RBPJ: variants seen among roughly 807,000 people sequenced by gnomAD.
The protein encoded by RBPJ is recombining binding protein suppressor of hairless.
Under a neutral mutation model 67.8 loss-of-function variants are expected in RBPJ, and 9 were observed. The ratio of observed to expected loss-of-function variants is 0.13; its 90% CI spans 0.08 to 0.23. The LOEUF is 0.23. RBPJ is among the 10% of genes least tolerant of loss of function. The pLI, the probability that RBPJ is intolerant of heterozygous loss-of-function variation, is 1.00. For missense variants in RBPJ, 305 were observed against 595.6 expected (o/e 0.51, Z 5.08); for synonymous variants, 198 against 203.3 (o/e 0.97, Z 0.22).
In RBPJ at chr4:26,180,300, G is replaced by A. The variant is rs188137442; in HGVS notation, c.-167+16686G>A. Among the ~76,000 whole-genome samples, 181 of 147,156 alleles carry A rather than the reference G, an allele frequency of 1.2e-3. 4 individuals are homozygous for A. Among genetic ancestry groups the A allele is most frequent in the Admixed American group, 0.01 (151 of 14,610 alleles). Reference sequence around the variant, plus strand: ...CATGAGTTTACCTATAAAACAAACCGACACATGTACCCTTGAACCTAAAAT... The same window carrying A: ...CATGAGTTTACCTATAAAACAAACCAACACATGTACCCTTGAACCTAAAAT... On this transcript the variant is annotated intron_variant, in intron 1 of 4. Transcript: ENST00000512351.
intron 1 of RBPJ, among the ~76,000 whole-genome samples, chr4:26,206,218 T>C (rs1300563761): frequency 2.0e-5 from 3 of 152,254 alleles, no homozygotes; most frequent in Non-Finnish European, 4.4e-5. Context: ...TTATTTTCTT[T>C]CAAAGCAATG....
chr4:26,337,750 A>G lies in RBPJ; in HGVS notation c.20+16702A>G, dbSNP rs951646168. On this transcript the variant is annotated intron_variant, in intron 1 of 10. Coordinates refer to ENST00000355476, the MANE Select transcript of RBPJ (RefSeq NM_015874.6). ...CACCCAGGCTGGAGTGCAGTGCTAC[A>G]GTCATAGCTCACTGCAGCCTCAACT... Among the ~76,000 whole-genome samples the G allele has an allele frequency of 1.1e-4, 16 of 142,950 alleles. 1 individual carries two copies. The highest frequency in any genetic ancestry group is 4.2e-4 in the African/African-American group (16 of 38,134). 93.8% of individuals were successfully genotyped at this position (142,950 alleles called of 152,430 possible).
chr4:26,191,355 G>A (rs1231133264), intron 1 of RBPJ, among the ~76,000 whole-genome samples: 5 of 150,882 alleles, frequency 3.3e-5, no homozygotes, highest in Admixed American at 2.7e-4. Flanking sequence ...CAAATCAAGA[G>A]AGAGAACAAC....
At chr4:26,148,721 A>G in the RBPJ span, among the ~76,000 whole-genome samples, 1 of 152,244 alleles carries the variant, frequency 6.6e-6, no homozygotes, top group South Asian at 2.1e-4. Context: ...GATTCTGTCA[A>G]AGACCCTGTT....
intron 1 of RBPJ, among the ~76,000 whole-genome samples, chr4:26,223,545 T>C (rs1172403510): frequency 6.6e-6 from 1 of 152,182 alleles, no homozygotes. Flanking sequence ...GATGTCCTAA[T>C]ACAGCAAGCC....
At chr4:26,198,553 C>T (rs1034607787) in intron 1 of RBPJ, among the ~76,000 whole-genome samples, 7 of 152,140 alleles carry the variant, frequency 4.6e-5, no homozygotes, top group African/African-American at 1.7e-4. Flanking sequence ...TTATCTTGTG[C>T]CAGACCCTGT....
chr4:26,186,544 G>A (rs1717268678), intron 1 of RBPJ, among the ~76,000 whole-genome samples: 1 of 152,106 alleles, frequency 6.6e-6, no homozygotes, highest in Non-Finnish European at 1.5e-5. Flanking sequence ...TGCAGTGCCT[G>A]AGCGAGACCC....
rs185688122 is a variant in RBPJ at position 26,207,723 on chromosome 4, C to T, written c.-167+44109C>T. Among the ~76,000 whole-genome samples, 13 of 152,172 alleles carry T rather than the reference C, an allele frequency of 8.5e-5. No homozygotes were observed. In the East Asian group the frequency reaches 2.1e-3, roughly 25 times the overall value. On this transcript the variant is annotated intron_variant, in intron 1 of 4. Transcript: ENST00000512351. ...GGGAGAGGGGGTAAATTACAAACAA[C>T]GATTGCATTTTTAGAGGAGATGCTT... is the stretch of plus-strand genomic sequence containing the variant.
At chr4:26,233,277 T>G (rs980757455) in intron 1 of RBPJ, among the ~76,000 whole-genome samples, 7 of 152,242 alleles carry the variant, frequency 4.6e-5, no homozygotes, top group Admixed American at 1.3e-4. Flanking sequence ...CTCCACATTA[T>G]TCTAATATCC....
chr4:26,236,212 C>T lies in RBPJ; in HGVS notation c.-167+72598C>T, dbSNP rs537883234. 2.6e-5 allele frequency among the ~76,000 whole-genome samples: 4 copies of T among 152,280 alleles called. No homozygotes were observed. The South Asian group carries it at 8.3e-4, about 32-fold the overall frequency. On this transcript the variant is annotated intron_variant, in intron 1 of 4. Coordinates refer to the RBPJ transcript ENST00000512351. Reference sequence around the variant, plus strand: ...CAGCCACGTAAACTCTGGCTGTGACCTTGAGTGAGTAGGCCCTGTGACCTT... The same window carrying T: ...CAGCCACGTAAACTCTGGCTGTGACTTTGAGTGAGTAGGCCCTGTGACCTT...
At chr4:26,253,676 C>A (rs1283211518) in intron 1 of RBPJ, among the ~76,000 whole-genome samples, 1 of 147,384 alleles carries the variant, frequency 6.8e-6, no homozygotes, top group East Asian at 1.9e-4. Flanking sequence ...CCTCCCCATA[C>A]CGGTCATGAT....
At chr4:26,284,387 T>G (rs1021129485) in intron 1 of RBPJ, among the ~76,000 whole-genome samples, 1 of 152,374 alleles carries the variant, frequency 6.6e-6, no homozygotes, top group African/African-American at 2.4e-5. Context: ...TTGCAATTAT[T>G]ATTGGTAAGA....
At chr4:26,395,548 T>C (rs1732035759) in intron 2 of RBPJ, among the ~76,000 whole-genome samples, 2 of 152,196 alleles carry the variant, frequency 1.3e-5, no homozygotes, top group African/African-American at 4.8e-5. Flanking sequence ...TGTTGAAATT[T>C]GATCCTGAAT....
chr4:26,249,961 T>G (rs961242037), intron 1 of RBPJ, among the ~76,000 whole-genome samples: 3 of 151,606 alleles, frequency 2.0e-5, no homozygotes, highest in Non-Finnish European at 4.4e-5. Flanking sequence ...AATTTTTGTA[T>G]TTTTAGTAGA....
chr4:26,379,118 C>T (rs1294676531), intron 1 of RBPJ, among the ~76,000 whole-genome samples: 1 of 152,156 alleles, frequency 6.6e-6, no homozygotes, highest in Non-Finnish European at 1.5e-5. Context: ...TACATTTCTT[C>T]ACCTGTAGTG....
the RBPJ span, among the ~76,000 whole-genome samples, chr4:26,117,695 C>T: frequency 6.6e-6 from 1 of 152,128 alleles, no homozygotes; most frequent in Non-Finnish European, 1.5e-5. Context: ...AATTAACTTC[C>T]TTGTACGTTT....
At chr4:26,223,684 GGAGGCATAGTCAGTAGAAGTCTTCAAA>G (rs1718988825) in intron 1 of RBPJ, among the ~76,000 whole-genome samples, 1 of 152,168 alleles carries the variant, frequency 6.6e-6, no homozygotes, top group African/African-American at 2.4e-5. Context: ...TGGCCCTATA[GGAGGCATAGTCAGTAGAAGTCTTCAAA>G]GAGGTGAGTG....
rs1027856486 is a variant in RBPJ, at chr4:26,430,475, A to G, written c.1101A>G (p.Pro367=). Reference sequence around the variant, plus strand: ...AACTTACAGGACAGAATTTCACTCCAAATTTACGAGTGTGGTTTGGGGATG... The same window carrying G: ...AACTTACAGGACAGAATTTCACTCCGAATTTACGAGTGTGGTTTGGGGATG... ...MLELTGQNFT[P]NLRVWFGDVE... Residue 367 remains proline (P), a synonymous_variant, in exon 10 of 11, where the codon CCA becomes CCG. Coordinates refer to ENST00000355476, the MANE Select transcript of RBPJ (RefSeq NM_015874.6). The surrounding 1 kb of genome is among the most constrained non-coding windows in gnomAD (Gnocchi z 4.1). 1 of 1,607,504 alleles carries G rather than the reference A, an allele frequency of 6.2e-7. No homozygotes were observed. The highest frequency in any genetic ancestry group is 1.3e-5 in the African/African-American group (1 of 74,414).
At chr4:26,114,710 T>A in the RBPJ span, among the ~76,000 whole-genome samples, 1 of 152,022 alleles carries the variant, frequency 6.6e-6, no homozygotes, top group African/African-American at 2.4e-5. Context: ...TAATTATATG[T>A]GTGTATGTAC....
Sources: allele counts gnomAD v4.1 joint callset (sites outside exome capture counted in the v4.1 genomes callset), GRCh38; gene constraint gnomAD v4.1.1; non-coding constraint Gnocchi (gnomAD v3.1); transcripts MANE v1.5; gene names NCBI Gene and HGNC (gene_info 2026-07-23, HGNC 2026-07-21).